TENM3: variants seen among roughly 807,000 people sequenced by gnomAD.
The protein encoded by TENM3 is teneurin-3.
A neutral mutation model predicts 255.1 loss-of-function variants in TENM3; 63 were observed. That is an observed-to-expected ratio of 0.25 (90% CI 0.20 to 0.30). The LOEUF is 0.30. Ranked by LOEUF, TENM3 falls within the 10% of genes least tolerant of loss-of-function variation. The pLI is 1.00. For synonymous variants in TENM3, 1,306 were observed against 1,322.3 expected (o/e 0.99, Z 0.27); for missense variants, 2,929 against 3,461.1 (o/e 0.85, Z 3.86).
At chr4:182,356,636 T>G (rs1046499365) in intron 3 of TENM3, among the ~76,000 whole-genome samples, 11 of 151,868 alleles carry the variant, frequency 7.2e-5, no homozygotes, top group Non-Finnish European at 2.9e-5. Flanking sequence ...GAATCAGGAG[T>G]GAAGGGGTCC....
In TENM3 at chr4:182,362,011, A is replaced by G. The variant is rs763481540; in HGVS notation, c.511+15082A>G. On this transcript the variant is annotated intron_variant, in intron 3 of 27. Transcript: ENST00000511685. ...AGACCCTGTTTGCCTGGGTATCAGCAGCGGTGTCTGCAGAACAGTGGTTTT... is the reference window on the plus strand; with the variant it reads ...AGACCCTGTTTGCCTGGGTATCAGCGGCGGTGTCTGCAGAACAGTGGTTTT... 1.9e-4 allele frequency among the ~76,000 whole-genome samples: 29 copies of G among 152,326 alleles called. No individual in the cohort carries two copies. In the Middle Eastern group the frequency reaches 0.01, roughly 54 times the overall value.
the TENM3 span, among the ~76,000 whole-genome samples, chr4:181,886,617 C>T: frequency 6.6e-6 from 1 of 152,114 alleles, no homozygotes; most frequent in Admixed American, 6.5e-5. Flanking sequence ...GTGTATTTTA[C>T]ATATGCACAT....
chr4:181,603,602 A>C, the TENM3 span, among the ~76,000 whole-genome samples: 1 of 152,206 alleles, frequency 6.6e-6, no homozygotes, highest in Non-Finnish European at 1.5e-5. Context: ...TCTCAGTAAA[A>C]AATGATATGA....
the TENM3 span, among the ~76,000 whole-genome samples, chr4:181,598,851 A>G: frequency 2.6e-5 from 4 of 152,146 alleles, no homozygotes; most frequent in African/African-American, 4.8e-5. Flanking sequence ...AAAATAAGAG[A>G]CTGTTGGACT....
At chr4:182,369,941 A>G (rs969581526) in intron 3 of TENM3, among the ~76,000 whole-genome samples, 3 of 152,132 alleles carry the variant, frequency 2.0e-5, no homozygotes, top group Non-Finnish European at 4.4e-5. Context: ...ATTTGATGAG[A>G]AGATAAGAGA....
At chr4:182,036,999 T>C in the TENM3 span, among the ~76,000 whole-genome samples, 1 of 152,204 alleles carries the variant, frequency 6.6e-6, no homozygotes, top group East Asian at 1.9e-4. Context: ...GTGTGTTATA[T>C]ACTTTTTAAA....
chr4:181,823,248 T>C, the TENM3 span, among the ~76,000 whole-genome samples: 4 of 152,336 alleles, frequency 2.6e-5, no homozygotes, highest in South Asian at 8.3e-4. Flanking sequence ...GAGGAACCTC[T>C]GAATACATGA....
the TENM3 span, among the ~76,000 whole-genome samples, chr4:182,014,499 A>G: frequency 2.4e-4 from 36 of 152,308 alleles, no homozygotes; most frequent in South Asian, 1.0e-3. Context: ...TTCCTCTAGA[A>G]TGTATTATTA....
At chr4:181,858,449 G>C in the TENM3 span, among the ~76,000 whole-genome samples, 1 of 152,194 alleles carries the variant, frequency 6.6e-6, no homozygotes, top group African/African-American at 2.4e-5. Context: ...TTGTGTGTTA[G>C]AGTAGCCATC....
At chr4:182,474,604 T>C (rs902183235) in intron 3 of TENM3, among the ~76,000 whole-genome samples, 1 of 152,198 alleles carries the variant, frequency 6.6e-6, no homozygotes, top group African/African-American at 2.4e-5. Context: ...AACATCCTTT[T>C]TAAGCCTGTT....
At chr4:182,385,168 A>G (rs1355339046) in intron 3 of TENM3, among the ~76,000 whole-genome samples, 4 of 151,902 alleles carry the variant, frequency 2.6e-5, no homozygotes, top group Non-Finnish European at 1.5e-5. Flanking sequence ...TCATCCAAAC[A>G]TTAAATGACA....
chr4:181,970,424 C>T, the TENM3 span, among the ~76,000 whole-genome samples: 4 of 152,018 alleles, frequency 2.6e-5, no homozygotes, highest in Non-Finnish European at 5.9e-5. Flanking sequence ...AACTTTATCC[C>T]AACTATCAAG....
intron 1 of TENM3, among the ~76,000 whole-genome samples, chr4:182,258,367 A>G (rs1179037016): frequency 3.3e-5 from 5 of 152,216 alleles, no homozygotes; most frequent in African/African-American, 1.2e-4. Flanking sequence ...ACTTATATCC[A>G]AAGAGAATAC....
the TENM3 span, among the ~76,000 whole-genome samples, chr4:181,631,147 G>C: frequency 6.6e-6 from 1 of 152,020 alleles, no homozygotes; most frequent in Non-Finnish European, 1.5e-5. Flanking sequence ...GTCGTTGTAG[G>C]ACCTCAGTCC....
the TENM3 span, chr4:181,874,304 A>T: frequency 1.3e-5 from 2 of 152,168 alleles, no homozygotes; most frequent in Non-Finnish European, 2.9e-5. Context: ...TACTTATTCT[A>T]CAAAATACTG....
intron 3 of TENM3, among the ~76,000 whole-genome samples, chr4:182,459,199 A>G (rs1281517919): frequency 6.6e-6 from 1 of 152,214 alleles, no homozygotes; most frequent in Non-Finnish European, 1.5e-5. Flanking sequence ...ACCACAGTTA[A>G]TTATATTCAG....
intron 3 of TENM3, among the ~76,000 whole-genome samples, chr4:182,549,224 G>A (rs7681966): frequency 0.3 from 45,723 of 152,102 alleles, 7,237 homozygotes; most frequent in Non-Finnish European, 0.34. Flanking sequence ...CAAGTAAAAT[G>A]TCAGCACAGT....
the TENM3 span, among the ~76,000 whole-genome samples, chr4:181,592,256 A>AACACACACAAACACACACACAC: frequency 6.7e-6 from 1 of 148,320 alleles, no homozygotes; most frequent in African/African-American, 2.5e-5. Context: ...TTTAAACACA[A>AACACACACAAACACACACACAC]ACACACACAC....
rs1451764632 is a variant in TENM3 at position 182,652,168 on chromosome 4, C to A, written c.989-1603C>A. ...TTTATTTGACAGATACTTATTGAGA[C>A]CTACTAGGTATCAGGCACTGTATCC... On this transcript the variant is annotated intron_variant, in intron 5 of 27. Coordinates refer to ENST00000511685, the MANE Select transcript of TENM3 (RefSeq NM_001080477.4). 3.9e-5 allele frequency among the ~76,000 whole-genome samples: 6 copies of A among 152,142 alleles called. No homozygotes were observed. In the South Asian group the frequency reaches 1.2e-3, roughly 32 times the overall value.
Sources: allele counts gnomAD v4.1 joint callset (sites outside exome capture counted in the v4.1 genomes callset), GRCh38; gene constraint gnomAD v4.1.1; transcripts MANE v1.5; gene names NCBI Gene and HGNC (gene_info 2026-07-23, HGNC 2026-07-21).